The following SUV39H1 variants were observed in gnomAD, a reference collection of about 807,000 sequenced individuals.
SUV39H1 encodes SUV39H1 histone lysine methyltransferase, also known as histone-lysine N-methyltransferase SUV39H1.
For missense variants in SUV39H1, 180 were observed against 386.3 expected (o/e 0.47, Z 4.48); for synonymous variants, 141 against 150.5 (o/e 0.94, Z 0.46).
At position 48,699,018 on chromosome X, in the gene SUV39H1, G is replaced by A. The variant is rs1557009041; in HGVS notation, c.136G>A (p.Glu46Lys). The A allele has an allele frequency of 8.3e-7, 1 of 1,210,153 alleles. No homozygotes were observed. Among genetic ancestry groups the A allele is most frequent in the Admixed American group, 2.2e-5 (1 of 45,842 alleles). Residue 46 changes from glutamate (E) to lysine (K), a missense_variant, in exon 2 of 6, where the codon GAG becomes AAG. Coordinates refer to ENST00000376687, the MANE Select transcript of SUV39H1 (RefSeq NM_003173.4). ...GAGGAACCTCTATGACTTTGAAGTC[G>A]AGTACCTGTGCGATTACAAGAAGAT... ...SKRNLYDFEV[E>K]YLCDYKKIRE... is the part of the protein sequence containing the mutation.
At chrX:48,701,512 G>A (rs189091535) in intron 3 of SUV39H1, among the ~76,000 whole-genome samples, 231 of 111,633 alleles carry the variant, frequency 2.1e-3, no homozygotes, top group African/African-American at 7.3e-3. Context: ...GGGGATAGAA[G>A]GGGCCCATCC....
At chrX:48,701,045 T>A in intron 3 of SUV39H1, 1 of 392,342 alleles carries the variant, frequency 2.5e-6, no homozygotes, top group South Asian at 3.3e-5. Flanking sequence ...CCAGGCAGCC[T>A]TAGCATTCCT....
At chrX:48,700,980 C>T in intron 3 of SUV39H1, 1 of 478,511 alleles carries the variant, frequency 2.1e-6, no homozygotes, top group Non-Finnish European at 3.8e-6. Flanking sequence ...AATACTTCTG[C>T]ACTGGGTTGA....
chrX:48,700,819 G>C (rs1557009357), intron 3 of SUV39H1, 66 bp downstream of exon 3: 4 of 1,137,219 alleles, frequency 3.5e-6, no homozygotes, highest in Non-Finnish European at 4.7e-6. Context: ...TGTGCACCCG[G>C]CTCTCCTCAC....
At position 48,700,366 on chromosome X, in the gene SUV39H1, A is replaced by G. The variant is rs782203018; in HGVS notation, c.441A>G (p.Val147=). 6.6e-6 allele frequency: 8 copies of G among 1,210,844 alleles called. No homozygotes were observed. Among genetic ancestry groups the G allele is most frequent in the Non-Finnish European group, 8.9e-6 (8 of 895,337 alleles). ...GCAGCCATCTGGGACGCATCACTGTAGAGAATGAGGTGGACCTGGACGGCC... is the reference window on the plus strand; with the variant it reads ...GCAGCCATCTGGGACGCATCACTGTGGAGAATGAGGTGGACCTGGACGGCC... ...AKRSHLGRIT[V]ENEVDLDGPP... The change falls in exon 3 of 6, where the codon GTA becomes GTG. Residue 147 remains valine (V), a synonymous_variant. Coordinates refer to ENST00000376687, the MANE Select transcript of SUV39H1 (RefSeq NM_003173.4).
rs1424053649 is a variant in SUV39H1, at chrX:48,707,800, C to G, written c.*230C>G. ...GTGGGTTGCACTTACAAACCCCCACCCACCTTCAGAAATAGTTTTTCAACA... is the reference window on the plus strand; with the variant it reads ...GTGGGTTGCACTTACAAACCCCCACGCACCTTCAGAAATAGTTTTTCAACA... On this transcript the variant is annotated 3_prime_UTR_variant, in exon 6 of 6. Transcript: ENST00000376687. The G allele has an allele frequency of 2.1e-6, 1 of 486,975 alleles. No homozygotes were observed. The highest frequency in any genetic ancestry group is 3.7e-6 in the Non-Finnish European group (1 of 270,714). 40.1% of individuals were successfully genotyped at this position (486,975 alleles called of 1,213,427 possible).
At chrX:48,697,814 TTTGA>T (rs1486391871) in intron 1 of SUV39H1, among the ~76,000 whole-genome samples, 10 of 112,569 alleles carry the variant, frequency 8.9e-5, no homozygotes, top group South Asian at 3.6e-4. Flanking sequence ...TCTAAAGTAC[TTTGA>T]TTAAGAATGT....
chrX:48,700,672 C>G lies in SUV39H1; in HGVS notation c.747C>G (p.Arg249=). Residue 249 remains arginine (R), a synonymous_variant, in exon 3 of 6, where the codon CGC becomes CGG. Transcript: ENST00000376687. The stretch of plus-strand genomic sequence containing the variant: ...TCCGATATGACCTCTGCATCTTCCG[C>G]ACGGATGATGGGCGTGGCTGGGGCG... ...KGIRYDLCIF[R]TDDGRGWGVR... 8.3e-7 allele frequency: 1 copy of G among 1,212,104 alleles called. No individual in the cohort carries two copies. The highest frequency in any genetic ancestry group is 1.8e-5 in the South Asian group (1 of 57,017).
intron 1 of SUV39H1, 25 bp from the exon 2 acceptor site, chrX:48,698,877 G>A: frequency 8.3e-7 from 1 of 1,202,755 alleles, no homozygotes; most frequent in Non-Finnish European, 1.1e-6. Flanking sequence ...CCCAGTAATA[G>A]TTCTTTCTGC....
chrX:48,706,545 C>T lies in SUV39H1; in HGVS notation c.1023C>T (p.Asp341=), dbSNP rs782132107. 3.7e-5 allele frequency: 44 copies of T among 1,203,529 alleles called. No individual in the cohort carries two copies. The Middle Eastern group carries it at 9.2e-4, about 25-fold the overall frequency. ...ACAACGTCTTCATAGACAACCTTGA[C>T]GAGCGGCTGCCCCGCATCGCTTTCT... ...QVYNVFIDNL[D]ERLPRIAFFA... The change falls in exon 5 of 6, where the codon GAC becomes GAT. Residue 341 remains aspartate, a synonymous_variant. Coordinates refer to ENST00000376687, the MANE Select transcript of SUV39H1 (RefSeq NM_003173.4).
intron 3 of SUV39H1, among the ~76,000 whole-genome samples, chrX:48,703,275 A>G (rs145539101): frequency 0.012 from 1,337 of 112,214 alleles, 12 homozygotes; most frequent in African/African-American, 0.041. Context: ...GTTTTTATTT[A>G]TCCTACTTGG....
At chrX:48,701,279 A>G (rs1269077703) in intron 3 of SUV39H1, among the ~76,000 whole-genome samples, 1 of 112,411 alleles carries the variant, frequency 8.9e-6, no homozygotes, top group Non-Finnish European at 1.9e-5. Flanking sequence ...GGCCGAGTGT[A>G]TTAGGCAAGC....
intron 3 of SUV39H1, among the ~76,000 whole-genome samples, chrX:48,702,221 G>C (rs2062477339): frequency 8.9e-6 from 1 of 112,380 alleles, no homozygotes; most frequent in African/African-American, 3.2e-5. Context: ...CTGACAGTGG[G>C]CGGGGGAAGG....
chrX:48,707,386 C>T, intron 5 of SUV39H1, 51 bp from the exon 6 acceptor site: 1 of 1,153,678 alleles, frequency 8.7e-7, no homozygotes, highest in Middle Eastern at 2.6e-4. Context: ...TCCTTCTCCC[C>T]CTCCCTCCCT....
intron 2 of SUV39H1, among the ~76,000 whole-genome samples, chrX:48,699,876 A>G (rs2062468542): frequency 9.0e-6 from 1 of 110,622 alleles, no homozygotes. Context: ...AAAAGTTGGA[A>G]CAGTTTGGAC....
chrX:48,707,362 C>T (rs2062494466), intron 5 of SUV39H1, 75 bp from the exon 6 acceptor site: 7 of 1,037,818 alleles, frequency 6.7e-6, no homozygotes, highest in Non-Finnish European at 9.2e-6. Flanking sequence ...TCCTTCCCTA[C>T]CTTCCTCCCT....
chrX:48,701,578 G>A (rs2062475330), intron 3 of SUV39H1, among the ~76,000 whole-genome samples: 1 of 111,693 alleles, frequency 9.0e-6, no homozygotes, highest in African/African-American at 3.3e-5. Context: ...TCCACTGGCT[G>A]GAACTGAGTC....
chrX:48,697,457 A>C (rs2062460530), intron 1 of SUV39H1, among the ~76,000 whole-genome samples: 1 of 111,344 alleles, frequency 9.0e-6, no homozygotes, highest in Admixed American at 9.4e-5. Context: ...AGGAGAGTCC[A>C]CCTGTGGCCA....
chrX:48,696,370 C>T (rs903336523), upstream of SUV39H1, among the ~76,000 whole-genome samples: 1 of 112,069 alleles, frequency 8.9e-6, no homozygotes, highest in Non-Finnish European at 1.9e-5. Flanking sequence ...CGGCACTAGT[C>T]CACCTGGGAG....
Sources: allele counts gnomAD v4.1 joint callset (sites outside exome capture counted in the v4.1 genomes callset), GRCh38; gene constraint gnomAD v4.1.1; transcripts MANE v1.5; gene names NCBI Gene and HGNC (gene_info 2026-07-23, HGNC 2026-07-21).